The following SLAIN2 variants were observed in gnomAD, a reference collection of about 807,000 sequenced individuals.
SLAIN2 encodes SLAIN motif-containing protein 2.
In SLAIN2, 31 loss-of-function variants were observed where a neutral mutation model predicts 56.6. The observed-to-expected ratio is 0.55, with a 90% confidence interval of 0.41 to 0.74. The LOEUF (loss-of-function observed/expected upper bound fraction) is 0.74. SLAIN2 is among the 30% of genes least tolerant of loss of function. The probability of loss-of-function intolerance (pLI) is 0.00; values close to 1 mark genes in which losing one functional copy is unlikely to be tolerated. For synonymous variants in SLAIN2, 317 were observed against 284.9 expected (o/e 1.11, Z -1.13); for missense variants, 777 against 754.2 (o/e 1.03, Z -0.35).
chr4:48,362,112 CTTCT>C (rs983818323), intron 1 of SLAIN2, among the ~76,000 whole-genome samples: 2 of 149,530 alleles, frequency 1.3e-5, no homozygotes, highest in African/African-American at 2.4e-5. Flanking sequence ...ACATGTTTTA[CTTCT>C]TTCTTTTCAA....
intron 1 of SLAIN2, among the ~76,000 whole-genome samples, chr4:48,359,870 G>T (rs1366961826): frequency 1.3e-5 from 2 of 152,000 alleles, no homozygotes; most frequent in Non-Finnish European, 2.9e-5. Context: ...TTTAATAGTG[G>T]TTAGGCCGGG....
intron 6 of SLAIN2, among the ~76,000 whole-genome samples, chr4:48,412,021 G>A (rs1217901233): frequency 2.7e-5 from 4 of 150,542 alleles, no homozygotes; most frequent in Admixed American, 6.6e-5. Flanking sequence ...GAGGAAATTC[G>A]TAAATTACAC....
chr4:48,356,318 G>C (rs186113389), intron 1 of SLAIN2, among the ~76,000 whole-genome samples: 153 of 152,148 alleles, frequency 1.0e-3, no homozygotes, highest in Non-Finnish European at 2.0e-3. Flanking sequence ...ATACCCATGT[G>C]TGTTTTCTAT....
At position 48,399,707 on chromosome 4, in the gene SLAIN2, C is replaced by T. The variant is rs553111182; in HGVS notation, c.1360+15923C>T. 3.3e-5 allele frequency among the ~76,000 whole-genome samples: 5 copies of T among 152,172 alleles called. No individual in the cohort carries two copies. In the South Asian group the frequency reaches 6.2e-4, roughly 19 times the overall value. On this transcript the variant is annotated intron_variant, in intron 6 of 7. Transcript: ENST00000264313. ...TACATAGTATATTGAGAGTTTTTAA[C>T]GTGAGGGGATGTTGAATTTTATTGA...
At chr4:48,375,305 C>T (rs1715780510) in intron 2 of SLAIN2, among the ~76,000 whole-genome samples, 1 of 152,092 alleles carries the variant, frequency 6.6e-6, no homozygotes, top group Admixed American at 6.6e-5. Context: ...ATTGTTTTAT[C>T]TTGCATCTTG....
intron 6 of SLAIN2, among the ~76,000 whole-genome samples, chr4:48,407,330 T>C (rs974015): frequency 0.6 from 91,653 of 151,784 alleles, 27,972 homozygotes; most frequent in South Asian, 0.71. Context: ...AGCTCATTTC[T>C]GAGTGTTTGT....
chr4:48,375,467 T>C (rs1421390774), intron 2 of SLAIN2, among the ~76,000 whole-genome samples: 2 of 152,148 alleles, frequency 1.3e-5, no homozygotes, highest in African/African-American at 4.8e-5. Flanking sequence ...AACAATCCTT[T>C]CCAGTTTTTA....
intron 1 of SLAIN2, among the ~76,000 whole-genome samples, chr4:48,361,900 CTGAG>C (rs549962185): frequency 4.6e-5 from 7 of 152,170 alleles, no homozygotes; most frequent in South Asian, 2.1e-4. Flanking sequence ...AAATTTATTC[CTGAG>C]TATTTTATTC....
chr4:48,377,792 T>G, intron 2 of SLAIN2, 104 bp from the exon 3 acceptor site: 1 of 1,085,332 alleles, frequency 9.2e-7, no homozygotes, highest in Non-Finnish European at 1.3e-6. Flanking sequence ...TTTCTTCATT[T>G]AAATTGAGAT....
rs1560458775 is a variant in SLAIN2 at position 48,383,746 on chromosome 4, A to G, written c.1322A>G (p.Asn441Ser). 1 of 1,612,252 alleles carries G rather than the reference A, an allele frequency of 6.2e-7. No homozygotes were observed. The highest frequency in any genetic ancestry group is 8.5e-7 in the Non-Finnish European group (1 of 1,178,876). ...SRSDSNFQVP[N>S]GGIPRMQPQA... ...AGTGACTCAAATTTTCAAGTGCCAA[A>G]CGGAGGAATACCTCGTATGCAACCT... is the stretch of plus-strand genomic sequence containing the variant. Residue 441 changes from asparagine to serine, a missense_variant, in exon 6 of 8, where the codon AAC (asparagine) becomes AGC (serine). By Grantham distance (46) the Asn-to-Ser change is conservative. Transcript: ENST00000264313.
At chr4:48,419,787 C>T (rs1717098938) in intron 6 of SLAIN2, among the ~76,000 whole-genome samples, 2 of 152,120 alleles carry the variant, frequency 1.3e-5, no homozygotes, top group South Asian at 4.1e-4. Flanking sequence ...ACCTGTTTTT[C>T]ACCTCTAGAA....
intron 1 of SLAIN2, among the ~76,000 whole-genome samples, chr4:48,348,441 A>T (rs1714927208): frequency 6.6e-6 from 1 of 151,904 alleles, no homozygotes; most frequent in Admixed American, 6.6e-5. Flanking sequence ...TAATCCTAAC[A>T]CTTTGAGAGG....
chr4:48,361,136 C>G (rs1278200537), intron 1 of SLAIN2, among the ~76,000 whole-genome samples: 1 of 152,116 alleles, frequency 6.6e-6, no homozygotes, highest in Non-Finnish European at 1.5e-5. Context: ...AGTGGAGACA[C>G]TTAATATGAT....
chr4:48,383,030 T>C, intron 5 of SLAIN2, 103 bp downstream of exon 5: 1 of 1,225,684 alleles, frequency 8.2e-7, no homozygotes, highest in Non-Finnish European at 1.1e-6. Context: ...TAGCTGGGCA[T>C]GGTGGTGCAC....
intron 1 of SLAIN2, 117 bp downstream of exon 1, chr4:48,342,245 T>G (rs1165971228): frequency 2.4e-6 from 3 of 1,227,724 alleles, no homozygotes; most frequent in Non-Finnish European, 3.1e-6. Flanking sequence ...CGCTCTCCTG[T>G]GGCGACTTGT....
intron 6 of SLAIN2, among the ~76,000 whole-genome samples, chr4:48,398,700 A>G (rs1250244795): frequency 3.3e-5 from 5 of 152,072 alleles, no homozygotes; most frequent in African/African-American, 4.8e-5. Flanking sequence ...TCTAGTTTCA[A>G]TTTTCTGCAT....
intron 1 of SLAIN2, among the ~76,000 whole-genome samples, chr4:48,361,523 A>G (rs1715327859): frequency 6.6e-6 from 1 of 152,236 alleles, no homozygotes; most frequent in Admixed American, 6.5e-5. Flanking sequence ...TTAGCAAAAG[A>G]ATACTAATAA....
At chr4:48,371,994 G>GCACACACA (rs571522686) in intron 2 of SLAIN2, among the ~76,000 whole-genome samples, 1 of 139,128 alleles carries the variant, frequency 7.2e-6, no homozygotes, top group African/African-American at 2.6e-5. Flanking sequence ...ACACACGCGC[G>GCACACACA]CACACACACA....
chr4:48,414,661 A>T (rs1272909113), intron 6 of SLAIN2, among the ~76,000 whole-genome samples: 6 of 123,572 alleles, frequency 4.9e-5, no homozygotes, highest in Non-Finnish European at 8.3e-5. Context: ...GCACCCACTA[A>T]TGTGTCATCT....
Sources: gnomAD v4.1 joint callset for allele counts (sites outside exome capture counted in the v4.1 genomes callset) on GRCh38, gnomAD v4.1.1 for gene constraint, MANE v1.5 for transcripts, NCBI Gene and HGNC (gene_info 2026-07-23, HGNC 2026-07-21) for gene names.